Variants in LEPR observed in about 807,000 individuals in gnomAD.
LEPR encodes OB receptor.
Under a neutral mutation model 114.7 loss-of-function variants are expected in LEPR, and 56 were observed. The ratio of observed to expected loss-of-function variants is 0.49; its 90% CI spans 0.39 to 0.61. LEPR has a LOEUF of 0.61. Among genes scored for constraint, LEPR ranks in the 20% least tolerant of loss-of-function variants. The probability of loss-of-function intolerance (pLI) is 0.00; values close to 1 mark genes in which losing one functional copy is unlikely to be tolerated. For missense variants in LEPR, 1,202 were observed against 1,352.9 expected (o/e 0.89, Z 1.75); for synonymous variants, 443 against 461.4 (o/e 0.96, Z 0.51).
At chr1:65,577,729 G>C (rs907456596) in intron 5 of LEPR, 15 of 169,638 alleles carry the variant, frequency 8.8e-5, no homozygotes, top group Admixed American at 2.3e-4. Flanking sequence ...TGTGGCTCTA[G>C]TAATAGACTT....
chr1:65,547,290 T>C (rs947914876), intron 2 of LEPR, among the ~76,000 whole-genome samples: 55 of 152,290 alleles, frequency 3.6e-4, no homozygotes, highest in African/African-American at 1.0e-3. Context: ...TGTCTCTGCC[T>C]GGCTTTGGTA....
chr1:65,519,109 CTCCTTCCTTCCT>C lies in LEPR; in HGVS notation c.-20-46403_-20-46392del, dbSNP rs202044069. 9.1e-3 allele frequency among the ~76,000 whole-genome samples: 995 copies of C among 109,672 alleles called. 8 individuals are homozygous for C. Among genetic ancestry groups the C allele is most frequent in the African/African-American group, 0.031 (851 of 27,572 alleles). 71.9% of individuals were successfully genotyped at this position (109,672 alleles called of 152,430 possible). A position where few individuals can be genotyped will look rare whatever the true frequency, so the allele number is the denominator to read the frequency against. ...TTCCTTCCATCCTCTGTGTCTCTCT[CTCCTTCCTTCCT>C]TCCTTCCTTCCTTCCTTCCTTCCTT... On this transcript the variant is annotated intron_variant, in intron 2 of 19. Transcript: ENST00000349533.
At chr1:65,463,536 G>T (rs1404038686) in intron 2 of LEPR, among the ~76,000 whole-genome samples, 1 of 152,136 alleles carries the variant, frequency 6.6e-6, no homozygotes, top group Non-Finnish European at 1.5e-5. Flanking sequence ...GAACTTTACA[G>T]TAGTTTTTTC....
intron 11 of LEPR, among the ~76,000 whole-genome samples, chr1:65,605,768 AAG>A (rs1656768048): frequency 6.6e-6 from 1 of 152,204 alleles, no homozygotes; most frequent in South Asian, 2.1e-4. Flanking sequence ...TTTGATTTCA[AAG>A]ATATTAAGAG....
intron 5 of LEPR, among the ~76,000 whole-genome samples, chr1:65,584,886 C>CT (rs919887034): frequency 1.4e-4 from 21 of 152,108 alleles, no homozygotes; most frequent in African/African-American, 4.8e-4. Flanking sequence ...TTGGTGATAT[C>CT]TTACATCTGA....
intron 2 of LEPR, among the ~76,000 whole-genome samples, chr1:65,504,002 AG>A (rs1648597219): frequency 1.3e-5 from 2 of 152,292 alleles, no homozygotes; most frequent in South Asian, 4.2e-4. Flanking sequence ...GTTTCTTAAA[AG>A]AAAGAAGTAC....
intron 2 of LEPR, among the ~76,000 whole-genome samples, chr1:65,504,132 A>T (rs539820194): frequency 3.9e-5 from 6 of 152,326 alleles, no homozygotes; most frequent in African/African-American, 1.4e-4. Context: ...ATGGATTATG[A>T]TTCAGGTATA....
intron 5 of LEPR, among the ~76,000 whole-genome samples, chr1:65,592,374 T>G: frequency 6.6e-6 from 1 of 151,888 alleles, no homozygotes; most frequent in Non-Finnish European, 1.5e-5. Context: ...ATCATTATTT[T>G]GAAAGCTGTT....
chr1:65,529,322 C>G (rs1229441898), intron 2 of LEPR, among the ~76,000 whole-genome samples: 1 of 151,710 alleles, frequency 6.6e-6, no homozygotes, highest in Non-Finnish European at 1.5e-5. Flanking sequence ...AGTTCAAGAC[C>G]AGCTTGGCCA....
intron 11 of LEPR, among the ~76,000 whole-genome samples, chr1:65,606,654 CCAGTCTGCAGAAAGGATA>C (rs1428805944): frequency 2.6e-5 from 4 of 151,814 alleles, no homozygotes; most frequent in Admixed American, 1.3e-4. Context: ...ATATTCACTG[CCAGTCTGCAGAAAGGATA>C]TGATTCATAT....
intron 6 of LEPR, among the ~76,000 whole-genome samples, chr1:65,596,199 T>A (rs895537604): frequency 5.3e-5 from 8 of 152,108 alleles, no homozygotes; most frequent in Non-Finnish European, 7.4e-5. Flanking sequence ...AATAATCTCA[T>A]TTACTGATTC....
chr1:65,626,173 A>C (rs1164328552), intron 19 of LEPR: 1 of 1,611,624 alleles, frequency 6.2e-7, no homozygotes. Context: ...TGACTTAGGA[A>C]ATGCTTGTAG....
intron 2 of LEPR, among the ~76,000 whole-genome samples, chr1:65,564,761 C>T (rs1007039680): frequency 2.6e-5 from 4 of 152,174 alleles, no homozygotes; most frequent in African/African-American, 4.8e-5. Context: ...AGCTGATTAC[C>T]GGAAGAGCTT....
rs181018857 is a variant in LEPR at position 65,608,421 on chromosome 1, C to T, written c.1604-332C>T. Among the ~76,000 whole-genome samples the T allele has an allele frequency of 3.7e-3, 564 of 152,040 alleles. 4 individuals carry two copies. Among genetic ancestry groups the T allele is most frequent in the African/African-American group, 0.013 (545 of 41,476 alleles). ...AATTTTTTGTATTTTTTAGTAGAGA[C>T]GGGGTTTCACCGTGTTAGCCAGGAT... On this transcript the variant is annotated intron_variant, in intron 11 of 19. Transcript: ENST00000349533.
intron 2 of LEPR, among the ~76,000 whole-genome samples, chr1:65,452,256 T>C (rs1436503252): frequency 6.6e-6 from 1 of 152,056 alleles, no homozygotes; most frequent in Non-Finnish European, 1.5e-5. Flanking sequence ...TTTTCCTAAT[T>C]GAATACCCTT....
chr1:65,552,200 G>T (rs2100724215), intron 2 of LEPR, among the ~76,000 whole-genome samples: 1 of 152,296 alleles, frequency 6.6e-6, no homozygotes, highest in East Asian at 1.9e-4. Context: ...GGGGTGGAGA[G>T]TTCTGTAGAT....
At chr1:65,589,309 A>G (rs1655529516) in intron 5 of LEPR, among the ~76,000 whole-genome samples, 3 of 152,004 alleles carry the variant, frequency 2.0e-5, no homozygotes, top group African/African-American at 7.2e-5. Context: ...TAGATACCTT[A>G]TGTATACAAA....
At chr1:65,602,994 T>C (rs1209430514) in intron 10 of LEPR, among the ~76,000 whole-genome samples, 2 of 152,200 alleles carry the variant, frequency 1.3e-5, no homozygotes, top group East Asian at 1.9e-4. Context: ...AAAACTATTA[T>C]GTTAAGCCCC....
At chr1:65,555,545 G>A (rs1167346317) in intron 2 of LEPR, among the ~76,000 whole-genome samples, 1 of 151,974 alleles carries the variant, frequency 6.6e-6, no homozygotes, top group East Asian at 1.9e-4. Flanking sequence ...ACTTGTATCT[G>A]GTCTGTAAGA....
Sources: allele counts gnomAD v4.1 joint callset (sites outside exome capture counted in the v4.1 genomes callset), GRCh38; gene constraint gnomAD v4.1.1; transcripts MANE v1.5; gene names NCBI Gene and HGNC (gene_info 2026-07-23, HGNC 2026-07-21).